Variants in IL12RB2 observed in about 807,000 individuals in gnomAD.
The protein encoded by IL12RB2 is interleukin 12 receptor subunit beta 2.
A neutral mutation model predicts 89.4 loss-of-function variants in IL12RB2; 82 were observed. The observed-to-expected ratio is 0.92, with a 90% confidence interval of 0.77 to 1.10. The LOEUF is 1.10. Among genes scored for constraint, IL12RB2 ranks in the 50% least tolerant of loss-of-function variants. The pLI, the probability that IL12RB2 is intolerant of heterozygous loss-of-function variation, is 0.00. For synonymous variants in IL12RB2, 368 were observed against 370.1 expected, an observed-to-expected ratio of 0.99 and a Z score of 0.07; for missense variants, 963 against 1,031.9, an observed-to-expected ratio of 0.93 and a Z score of 0.92.
chr1:67,341,394 G>A (rs1439213482), intron 9 of IL12RB2, among the ~76,000 whole-genome samples: 1 of 151,010 alleles, frequency 6.6e-6, no homozygotes, highest in African/African-American at 2.4e-5. Context: ...ACTCCAGCCT[G>A]GGTGACAGAG....
intron 15 of IL12RB2, among the ~76,000 whole-genome samples, chr1:67,388,877 T>A (rs1388359037): frequency 6.6e-6 from 1 of 152,164 alleles, no homozygotes; most frequent in Non-Finnish European, 1.5e-5. Flanking sequence ...ATTGAACTTG[T>A]CTAACAGGCT....
intron 9 of IL12RB2, among the ~76,000 whole-genome samples, chr1:67,344,405 G>T (rs1659992168): frequency 6.6e-6 from 1 of 152,130 alleles, no homozygotes; most frequent in African/African-American, 2.4e-5. Context: ...TGATTCTCAT[G>T]CCTCAGCCTC....
At chr1:67,346,885 G>C (rs1660299280) in intron 9 of IL12RB2, among the ~76,000 whole-genome samples, 1 of 152,148 alleles carries the variant, frequency 6.6e-6, no homozygotes, top group African/African-American at 2.4e-5. Flanking sequence ...TGGTAGAAGA[G>C]TCATGTAAGT....
chr1:67,314,732 T>G (rs1655535172), intron 2 of IL12RB2, among the ~76,000 whole-genome samples: 1 of 152,178 alleles, frequency 6.6e-6, no homozygotes, highest in Non-Finnish European at 1.5e-5. Flanking sequence ...GCTTCATGCT[T>G]TGTGCTTCTC....
chr1:67,330,890 T>C, intron 8 of IL12RB2, 80 bp downstream of exon 8: 2 of 836,472 alleles, frequency 2.4e-6, no homozygotes, highest in Non-Finnish European at 4.2e-6. Context: ...TTCCTTGGAA[T>C]AGAATCTTTA....
chr1:67,373,379 T>G (rs4655540), intron 13 of IL12RB2, among the ~76,000 whole-genome samples: 71,273 of 152,182 alleles, frequency 0.47, 18,890 homozygotes, highest in Non-Finnish European at 0.58. Flanking sequence ...CAAAGTGCTG[T>G]GATTACAGGC....
Position 67,320,209 on chromosome 1 carries a change from T to A in IL12RB2, c.-36-124T>A, listed in dbSNP as rs1018458389. The A allele has an allele frequency of 9.0e-6, 13 of 1,449,188 alleles. No homozygotes were observed. In the East Asian group the frequency reaches 2.5e-4, roughly 28 times the overall value. The allele number at this position is 1,449,188 out of a possible 1,614,324, so 89.8% of individuals were successfully genotyped here. A position where few individuals can be genotyped will look rare whatever the true frequency, so the allele number is the denominator to read the frequency against. ...AGTTTTAAAGGTACATGTCATTTTT[T>A]AAAATAACAAGATCTCAACAAGGTG... On this transcript the variant is annotated intron_variant, in intron 2 of 16. Transcript: ENST00000674203.
rs146292829 is a variant in IL12RB2, at chr1:67,309,045, C to CATATATATATATAT, written c.-125+1080_-125+1093dup. 3.8e-3 allele frequency among the ~76,000 whole-genome samples: 568 copies of CATATATATATATAT among 149,396 alleles called. 3 individuals carry two copies. Among genetic ancestry groups the CATATATATATATAT allele is most frequent in the African/African-American group, 0.014 (547 of 40,498 alleles). On this transcript the variant is annotated intron_variant, in intron 1 of 16. Coordinates refer to ENST00000674203, the MANE Select transcript of IL12RB2 (RefSeq NM_001374259.2). ...AAAAATAAATACATACATACATATA[C>CATATATATATATAT]ATATATATATATATACACACACACA...
chr1:67,328,107 A>G, intron 5 of IL12RB2, 93 bp from the exon 6 acceptor site: 1 of 936,354 alleles, frequency 1.1e-6, no homozygotes. Context: ...ATTGTCTAGA[A>G]TTCTAAATAT....
In IL12RB2 at chr1:67,349,379, G is replaced by A. The variant is rs140817331; in HGVS notation, c.1039-1491G>A. On this transcript the variant is annotated intron_variant, in intron 9 of 16. Transcript: ENST00000674203. The stretch of plus-strand genomic sequence containing the variant: ...GCAGAAGAGACACATAGGGAACAAC[G>A]GAGTGAGAGATAGCTGAGGGGATGG... 2.0e-5 allele frequency among the ~76,000 whole-genome samples: 3 copies of A among 152,268 alleles called. No individual in the cohort carries two copies. In the East Asian group the frequency reaches 5.8e-4, roughly 29 times the overall value.
chr1:67,328,368 C>G lies in IL12RB2; in HGVS notation c.648C>G (p.Phe216Leu), dbSNP rs1657613177. 1 of 1,614,056 alleles carries G rather than the reference C, an allele frequency of 6.2e-7. No homozygotes were observed. Among genetic ancestry groups the G allele is most frequent in the African/African-American group, 1.3e-5 (1 of 74,932 alleles). ...LGSSSSLPST[F>L]TFLDIVRPLP... ...GCTCCTCTTCACTTCCATCCACATTCACATTCTTGGACATAGGTACATTTT... is the reference window on the plus strand; with the variant it reads ...GCTCCTCTTCACTTCCATCCACATTGACATTCTTGGACATAGGTACATTTT... The change falls in exon 6 of 17, where the codon TTC (phenylalanine) becomes TTG (leucine). Residue 216 changes from phenylalanine (F) to leucine (L), a missense_variant. Phe to Leu is a conservative substitution (Grantham distance 22). Coordinates refer to ENST00000674203, the MANE Select transcript of IL12RB2 (RefSeq NM_001374259.2).
intron 1 of IL12RB2, among the ~76,000 whole-genome samples, chr1:67,309,317 A>G (rs1005425266): frequency 2.6e-5 from 4 of 152,196 alleles, no homozygotes; most frequent in African/African-American, 9.6e-5. Context: ...TTAGAGAGTT[A>G]CAGGTTTCTG....
At chr1:67,316,479 CCTCAATTAAAA>C (rs1453635944) in intron 2 of IL12RB2, among the ~76,000 whole-genome samples, 1 of 148,204 alleles carries the variant, frequency 6.7e-6, no homozygotes, top group East Asian at 2.0e-4. Flanking sequence ...CTCGTTACAC[CCTCAATTAAAA>C]CTCAATTAAA....
Position 67,394,455 on chromosome 1 carries a change from A to T in IL12RB2, c.2047-1092A>T, listed in dbSNP as rs77786093. ...GGACATTGAAGAGCTGGTCACCGGC[A>T]GAATGCTAAGAGAAAATAAGTGAGA... On this transcript the variant is annotated intron_variant, in intron 16 of 16. Coordinates refer to ENST00000674203, the MANE Select transcript of IL12RB2 (RefSeq NM_001374259.2). Among the ~76,000 whole-genome samples the T allele has an allele frequency of 5.5e-3, 836 of 152,338 alleles. 8 individuals are homozygous for T. The highest frequency in any genetic ancestry group is 0.019 in the African/African-American group (770 of 41,578).
chr1:67,373,942 C>G (rs1200843676), intron 13 of IL12RB2, among the ~76,000 whole-genome samples: 1 of 152,086 alleles, frequency 6.6e-6, no homozygotes, highest in Non-Finnish European at 1.5e-5. Context: ...ACTTTAAAAG[C>G]TGGTTAATTT....
intron 16 of IL12RB2, among the ~76,000 whole-genome samples, chr1:67,395,166 G>A (rs1666230676): frequency 6.6e-6 from 1 of 152,118 alleles, no homozygotes; most frequent in Non-Finnish European, 1.5e-5. Flanking sequence ...CACTCGGGAG[G>A]CTGAGGCACG....
At chr1:67,313,127 C>A (rs1655304907) in intron 1 of IL12RB2, among the ~76,000 whole-genome samples, 1 of 152,144 alleles carries the variant, frequency 6.6e-6, no homozygotes, top group Non-Finnish European at 1.5e-5. Flanking sequence ...ATTTTCATGA[C>A]CATAACTCAG....
At chr1:67,312,383 C>T (rs1413708755) in intron 1 of IL12RB2, among the ~76,000 whole-genome samples, 2 of 152,142 alleles carry the variant, frequency 1.3e-5, no homozygotes, top group African/African-American at 4.8e-5. Context: ...TTGAAAGTGT[C>T]TTGTTTCTCC....
In IL12RB2 at chr1:67,341,596, GGAAA is replaced by G. The variant is rs1327865012; in HGVS notation, c.1038+2900_1038+2903del. Among the ~76,000 whole-genome samples, 6 of 150,762 alleles carry G rather than the reference GGAAA, an allele frequency of 4.0e-5. No homozygotes were observed. The East Asian group carries it at 5.9e-4, about 15-fold the overall frequency. Reference sequence around the variant, plus strand: ...GAAAGAAAGAAAGAAAAGAAAGGAAGGAAAGAAAGAGAAAGCAAAAAGGTAAGCA... The same window carrying G: ...GAAAGAAAGAAAGAAAAGAAAGGAAGGAAAGAGAAAGCAAAAAGGTAAGCA... On this transcript the variant is annotated intron_variant, in intron 9 of 16. Coordinates refer to ENST00000674203, the MANE Select transcript of IL12RB2 (RefSeq NM_001374259.2).
Sources: gnomAD v4.1 joint callset for allele counts (sites outside exome capture counted in the v4.1 genomes callset) on GRCh38, gnomAD v4.1.1 for gene constraint, MANE v1.5 for transcripts, NCBI Gene and HGNC (gene_info 2026-07-23, HGNC 2026-07-21) for gene names.